ADGRE3: variants seen among roughly 807,000 people sequenced by gnomAD.
ADGRE3 encodes adhesion G protein-coupled receptor E3.
ADGRE3 carries 88 observed loss-of-function variants against 80.1 expected under a neutral mutation model. The observed-to-expected ratio is 1.10, with a 90% CI of 0.93 to 1.31. The LOEUF is 1.31. Ranked by LOEUF, ADGRE3 falls within the 40% of genes most tolerant of loss-of-function variation. The pLI is 0.00. For missense variants in ADGRE3, 715 were observed against 776.5 expected (o/e 0.92, Z 0.94); for synonymous variants, 281 against 294.8 (o/e 0.95, Z 0.48).
intron 8 of ADGRE3, among the ~76,000 whole-genome samples, chr19:14,646,674 TCCCTCCCTCCCTCCCTCCC>T (rs1971410777): frequency 6.3e-5 from 3 of 47,684 alleles, no homozygotes. Context: ...CCTCCCTCCC[TCCCTCCCTCCCTCCCTCCC>T]TCCTTCCTTC....
At chr19:14,609,214 C>T in the ADGRE3 span, among the ~76,000 whole-genome samples, 31,582 of 152,058 alleles carry the variant, frequency 0.21, 4,209 homozygotes, top group East Asian at 0.42. Context: ...AGCTCACAAC[C>T]GGTGACAGCC....
chr19:14,631,467 G>A (rs62124016), intron 13 of ADGRE3, among the ~76,000 whole-genome samples: 56,438 of 150,390 alleles, frequency 0.38, 10,894 homozygotes, highest in Admixed American at 0.43. Context: ...TGAGATATGA[G>A]GCCATCCTAT....
chr19:14,671,222 T>C (rs1211553421), intron 1 of ADGRE3, among the ~76,000 whole-genome samples: 2 of 149,920 alleles, frequency 1.3e-5, no homozygotes, highest in Non-Finnish European at 2.9e-5. Context: ...AACACTGATT[T>C]ATTATTCTCT....
chr19:14,603,521 A>G, the ADGRE3 span, among the ~76,000 whole-genome samples: 1 of 152,002 alleles, frequency 6.6e-6, no homozygotes, highest in South Asian at 2.1e-4. Context: ...GTGCAGTGGC[A>G]TGATCTTGGC....
At chr19:14,651,292 G>C (rs1336522024) in intron 6 of ADGRE3, 88 bp from the exon 7 acceptor site, 2 of 1,443,498 alleles carry the variant, frequency 1.4e-6, no homozygotes, top group Admixed American at 1.7e-5. Context: ...GTGCATGCCT[G>C]TAGTCCCAAC....
At chr19:14,620,461 T>TTTATGTATATTC (rs1970522180) in intron 15 of ADGRE3, among the ~76,000 whole-genome samples, 1 of 136,454 alleles carries the variant, frequency 7.3e-6, no homozygotes, top group African/African-American at 2.7e-5. Context: ...TATATGAATA[T>TTTATGTATATTC]ATGAATATAT....
Position 14,658,504 on chromosome 19 carries a change from T to A in ADGRE3, c.393+9A>T. 1 of 1,557,958 alleles carries A rather than the reference T, an allele frequency of 6.4e-7. No individual in the cohort carries two copies. Among genetic ancestry groups the A allele is most frequent in the Admixed American group, 1.8e-5 (1 of 54,634 alleles). On this transcript the variant is annotated intron_variant, in intron 5 of 15. Coordinates refer to ENST00000253673, the MANE Select transcript of ADGRE3 (RefSeq NM_032571.5). ...CCTGGGAAGGGTCTGGGGATCAGCC[T>A]CCACTCACCTCTTTCCTGCCCTCGG...
chr19:14,646,546 C>CT lies in ADGRE3; in HGVS notation c.882+634dup, dbSNP rs199907123. Among the ~76,000 whole-genome samples, 1,120 of 120,652 alleles carry CT rather than the reference C, an allele frequency of 9.3e-3. 11 individuals are homozygous for CT. Among genetic ancestry groups the CT allele is most frequent in the East Asian group, 0.047 (195 of 4,146 alleles). The allele number at this position is 120,652 out of a possible 152,430, so 79.2% of individuals were successfully genotyped here. A position where few individuals can be genotyped will look rare whatever the true frequency, so the allele number is the denominator to read the frequency against. ...GTAGAATGATTACATCTAGCTAATTCTTTTTTTTTTTTTTTTTGCATTTAT... is the reference window on the plus strand; with the variant it reads ...GTAGAATGATTACATCTAGCTAATTCTTTTTTTTTTTTTTTTTTGCATTTAT... On this transcript the variant is annotated intron_variant, in intron 8 of 15. Coordinates refer to ENST00000253673, the MANE Select transcript of ADGRE3 (RefSeq NM_032571.5).
At position 14,633,270 on chromosome 19, in the gene ADGRE3, C is replaced by T. The variant is rs1263522476; in HGVS notation, c.1517G>A (p.Trp506Ter). 3 of 1,612,574 alleles carry T rather than the reference C, an allele frequency of 1.9e-6. No homozygotes were observed. Among genetic ancestry groups the T allele is most frequent in the Non-Finnish European group, 2.5e-6 (3 of 1,179,214 alleles). Residue 506 changes from tryptophan to a stop codon, truncating the protein, a stop_gained, in exon 12 of 16, where the codon TGG becomes TAG. Transcript: ENST00000253673. LOFTEE classifies it high-confidence loss of function. ...GGCACAGACTGGGCCAAGGAAACTC[C>T]ACATGAATCCCTGGTCCAGGTGGAG... ...CWLHLDQGFM[W>*]SFLGPVCAIF...
At chr19:14,642,017 A>G (rs886918769) in intron 9 of ADGRE3, among the ~76,000 whole-genome samples, 2 of 152,148 alleles carry the variant, frequency 1.3e-5, no homozygotes, top group African/African-American at 4.8e-5. Flanking sequence ...AATGGCAGTT[A>G]CCAGAAGCTG....
At chr19:14,624,371 G>A (rs1218922339) in intron 15 of ADGRE3, among the ~76,000 whole-genome samples, 1 of 152,150 alleles carries the variant, frequency 6.6e-6, no homozygotes, top group Non-Finnish European at 1.5e-5. Flanking sequence ...TGGGATTATA[G>A]GCGTGAGCCA....
chr19:14,629,316 A>C (rs1970816642), intron 14 of ADGRE3, among the ~76,000 whole-genome samples: 1 of 152,132 alleles, frequency 6.6e-6, no homozygotes, highest in African/African-American at 2.4e-5. Flanking sequence ...AGTAGTTGGA[A>C]AAAAAATAAT....
chr19:14,630,350 C>G (rs1234556529), intron 13 of ADGRE3, 143 bp from the exon 14 acceptor site: 1 of 488,250 alleles, frequency 2.0e-6, no homozygotes, highest in African/African-American at 2.0e-5. Context: ...CCTGTGTGAT[C>G]TTGTGAAAGC....
rs1428657228 is a variant in ADGRE3 at position 14,644,273 on chromosome 19, C to T, written c.885G>A (p.Met295Ile). 6.7e-7 allele frequency: 1 copy of T among 1,503,690 alleles called. No individual in the cohort carries two copies. Among genetic ancestry groups the T allele is most frequent in the Admixed American group, 2.4e-5 (1 of 42,072 alleles). 93.1% of individuals were successfully genotyped at this position (1,503,690 alleles called of 1,614,324 possible). Residue 295 changes from methionine to isoleucine, a missense_variant and splice_region_variant, in exon 9 of 16, where the codon ATG becomes ATA. Transcript: ENST00000253673. ...AGAAGACCTTTTTGGTACTGGGGGTCATCTGAAAATAGAAAATAGAAAGGG... is the reference window on the plus strand; with the variant it reads ...AGAAGACCTTTTTGGTACTGGGGGTTATCTGAAAATAGAAAATAGAAAGGG... ...SVTLTFQHVK[M>I]TPSTKKVFCV...
the ADGRE3 span, among the ~76,000 whole-genome samples, chr19:14,613,056 G>C: frequency 1.3e-5 from 2 of 150,834 alleles, no homozygotes; most frequent in Non-Finnish European, 2.9e-5. Flanking sequence ...CTCCTGAATA[G>C]CTGGGATTTC....
downstream of ADGRE3, among the ~76,000 whole-genome samples, chr19:14,616,050 G>A (rs1599593115): frequency 6.6e-6 from 1 of 150,450 alleles, no homozygotes; most frequent in Non-Finnish European, 1.5e-5. Context: ...TTCTGCCTCA[G>A]CCTCCCGAGT....
At chr19:14,600,229 C>T in the ADGRE3 span, 4 of 1,601,098 alleles carry the variant, frequency 2.5e-6, no homozygotes, top group African/African-American at 1.3e-5. Flanking sequence ...GGACAGCCTG[C>T]TTCTCTTCCA....
chr19:14,674,249 C>A (rs1972330377), intron 1 of ADGRE3, among the ~76,000 whole-genome samples: 1 of 152,094 alleles, frequency 6.6e-6, no homozygotes, highest in African/African-American at 2.4e-5. Context: ...GTAATCCTAG[C>A]ACTTTGGCAG....
chr19:14,643,186 G>A (rs886073501), intron 9 of ADGRE3, among the ~76,000 whole-genome samples: 5 of 138,552 alleles, frequency 3.6e-5, no homozygotes, highest in African/African-American at 2.7e-5. Context: ...TCGCTCTGTC[G>A]CCAGGATGGA....
Sources: allele counts gnomAD v4.1 joint callset (sites outside exome capture counted in the v4.1 genomes callset), GRCh38; gene constraint gnomAD v4.1.1; transcripts MANE v1.5; gene names NCBI Gene and HGNC (gene_info 2026-07-23, HGNC 2026-07-21).